Variants in ANGPTL1 observed in about 807,000 individuals in gnomAD.
The protein encoded by ANGPTL1 is angiopoietin-related protein 1.
ANGPTL1 carries 36 observed loss-of-function variants against 46.7 expected under a neutral mutation model. That is an observed-to-expected ratio of 0.77 (90% CI 0.59 to 1.02). The LOEUF (loss-of-function observed/expected upper bound fraction) is 1.02, where lower values mean the gene tolerates loss of function less well. Among genes scored for constraint, ANGPTL1 ranks in the 50% least tolerant of loss-of-function variants. ANGPTL1 has a pLI of 0.00. For synonymous variants in ANGPTL1, 221 were observed against 204.3 expected (o/e 1.08, Z -0.69); for missense variants, 571 against 594.7 (o/e 0.96, Z 0.41).
chr1:178,861,686 T>C (rs1184491581), intron 3 of ANGPTL1, among the ~76,000 whole-genome samples: 1 of 152,190 alleles, frequency 6.6e-6, no homozygotes, highest in Non-Finnish European at 1.5e-5. Context: ...TTCACACAGC[T>C]CAATTATGTT....
At position 178,865,479 on chromosome 1, in the gene ANGPTL1, C is replaced by T. The variant is rs1260671370; in HGVS notation, c.298G>A (p.Asp100Asn). 1 of 1,613,992 alleles carries T rather than the reference C, an allele frequency of 6.2e-7. No homozygotes were observed. Among genetic ancestry groups the T allele is most frequent in the Non-Finnish European group, 8.5e-7 (1 of 1,179,998 alleles). ...ACATCCACCACCAGTTGCAGAACAT[C>T]TATCTCCCGCTTCTGCCTGGAGAGC... ...DVLSRQKREI[D>N]VLQLVVDVDG... The change falls in exon 3 of 6, where the codon GAT (aspartate) becomes AAT (asparagine). Residue 100 changes from aspartate to asparagine, a missense_variant. Asp to Asn is a conservative substitution (Grantham distance 23). Transcript: ENST00000234816.
At chr1:178,867,290 A>G (rs1383938657) in intron 2 of ANGPTL1, among the ~76,000 whole-genome samples, 2 of 152,128 alleles carry the variant, frequency 1.3e-5, no homozygotes, top group Non-Finnish European at 2.9e-5. Context: ...CAGATGGAAA[A>G]CTTGGCATCC....
chr1:178,853,660 AC>A lies in ANGPTL1; in HGVS notation c.950del (p.Gly317ValfsTer52). On this transcript the variant is annotated frameshift_variant, in exon 4 of 6. Transcript: ENST00000234816. LOFTEE classifies it high-confidence loss of function. ...CTGTTCTTTTCTGAATAACAGTCCA[AC>A]CCCCAGGGTCCAAACTGTTTTCACA... is the stretch of plus-strand genomic sequence containing the variant. ...LWCENSLDPG[G>X]WTVIQKRTDG... 6.2e-7 allele frequency: 1 copy of A among 1,612,130 alleles called. No individual in the cohort carries two copies. Among genetic ancestry groups the A allele is most frequent in the Non-Finnish European group, 8.5e-7 (1 of 1,179,062 alleles).
At chr1:178,857,330 A>G (rs547818605) in intron 3 of ANGPTL1, among the ~76,000 whole-genome samples, 1 of 152,340 alleles carries the variant, frequency 6.6e-6, no homozygotes, top group African/African-American at 2.4e-5. Context: ...GGTTCCCAGA[A>G]TTCCCTTAGT....
intron 3 of ANGPTL1, among the ~76,000 whole-genome samples, chr1:178,855,052 C>G (rs1657435531): frequency 6.6e-6 from 1 of 151,998 alleles, no homozygotes. Flanking sequence ...TTATATTTTA[C>G]TAGAAATATG....
chr1:178,856,001 A>G (rs942738912), intron 3 of ANGPTL1, among the ~76,000 whole-genome samples: 7 of 148,932 alleles, frequency 4.7e-5, no homozygotes, highest in Admixed American at 1.3e-4. Context: ...AACAAAATAT[A>G]TATATTAGAA....
chr1:178,851,028 G>A lies in ANGPTL1; in HGVS notation c.*101C>T. 1 of 1,133,346 alleles carries A rather than the reference G, an allele frequency of 8.8e-7. No individual in the cohort carries two copies. The highest frequency in any genetic ancestry group is 1.2e-6 in the Non-Finnish European group (1 of 835,330). 70.2% of individuals were successfully genotyped at this position (1,133,346 alleles called of 1,614,324 possible). On this transcript the variant is annotated 3_prime_UTR_variant, in exon 6 of 6. Transcript: ENST00000234816. ...AAAATTCATTTTAAAAACTTTCTGT[G>A]TAGAAATAAATTGTGCCAAGTAATA...
At chr1:178,867,012 T>C (rs1193940703) in intron 2 of ANGPTL1, among the ~76,000 whole-genome samples, 2 of 152,112 alleles carry the variant, frequency 1.3e-5, no homozygotes, top group Non-Finnish European at 2.9e-5. Flanking sequence ...TTTTCACTCT[T>C]GCGAACTTCA....
At chr1:178,868,276 A>G (rs1658542708) in intron 2 of ANGPTL1, among the ~76,000 whole-genome samples, 1 of 151,960 alleles carries the variant, frequency 6.6e-6, no homozygotes, top group South Asian at 2.1e-4. Flanking sequence ...GAATTTAGAT[A>G]TGGGTTATTT....
chr1:178,850,826 T>TG lies in ANGPTL1; in HGVS notation c.*302_*303insC, dbSNP rs1657122957. 4.8e-6 allele frequency: 1 copy of TG among 209,404 alleles called. No individual in the cohort carries two copies. The highest frequency in any genetic ancestry group is 2.3e-5 in the African/African-American group (1 of 43,646). 13.0% of individuals were successfully genotyped at this position (209,404 alleles called of 1,614,324 possible). ...AGTATCTTGAACATGTTATTTATGA[T>TG]TTAAAATATAGCTAAGATTTGCTTT... On this transcript the variant is annotated 3_prime_UTR_variant, in exon 6 of 6. Coordinates refer to ENST00000234816, the MANE Select transcript of ANGPTL1 (RefSeq NM_004673.4).
chr1:178,858,357 T>C (rs1388710069), intron 3 of ANGPTL1, among the ~76,000 whole-genome samples: 7 of 152,140 alleles, frequency 4.6e-5, no homozygotes, highest in Admixed American at 3.9e-4. Context: ...ATAAAGAACA[T>C]TGCTTGAAAG....
At chr1:178,863,196 A>G (rs1245048782) in intron 3 of ANGPTL1, among the ~76,000 whole-genome samples, 1 of 152,178 alleles carries the variant, frequency 6.6e-6, no homozygotes, top group East Asian at 1.9e-4. Flanking sequence ...GGACATGCAC[A>G]CAAGAGACCA....
intron 3 of ANGPTL1, among the ~76,000 whole-genome samples, chr1:178,856,689 G>A (rs941928971): frequency 4.0e-5 from 6 of 151,584 alleles, no homozygotes; most frequent in African/African-American, 7.3e-5. Context: ...TAGTTATTTC[G>A]TTTCTCCTTT....
In ANGPTL1 at chr1:178,850,285, A is replaced by G. The variant is rs1657088147; in HGVS notation, c.*844T>C. 6.6e-6 allele frequency: 1 copy of G among 152,582 alleles called. No individual in the cohort carries two copies. Among genetic ancestry groups the G allele is most frequent in the South Asian group, 2.1e-4 (1 of 4,822 alleles). The allele number at this position is 152,582 out of a possible 1,614,324, so 9.5% of individuals were successfully genotyped here. A position where few individuals can be genotyped will look rare whatever the true frequency, so the allele number is the denominator to read the frequency against. ...TGTAGTAGTAAGATCAGTAAATTAG[A>G]AAAAAAGTAATAATAAATTAGAACT... On this transcript the variant is annotated 3_prime_UTR_variant, in exon 6 of 6. Coordinates refer to ENST00000234816, the MANE Select transcript of ANGPTL1 (RefSeq NM_004673.4).
At chr1:178,861,507 A>G (rs1572418208) in intron 3 of ANGPTL1, among the ~76,000 whole-genome samples, 1 of 151,508 alleles carries the variant, frequency 6.6e-6, no homozygotes, top group Non-Finnish European at 1.5e-5. Flanking sequence ...GGTATGTTTC[A>G]TTTTGTATAA....
intron 2 of ANGPTL1, among the ~76,000 whole-genome samples, chr1:178,868,577 A>G (rs1365898318): frequency 6.6e-6 from 1 of 152,022 alleles, no homozygotes; most frequent in Non-Finnish European, 1.5e-5. Flanking sequence ...TTTATAAAAC[A>G]GCTAAAAGCG....
At chr1:178,853,124 T>C in intron 4 of ANGPTL1, 171 bp from the exon 5 acceptor site, 1 of 985,410 alleles carries the variant, frequency 1.0e-6, no homozygotes, top group Non-Finnish European at 1.2e-6. Context: ...ATTGTCATTC[T>C]CTTTTTGTTT....
At position 178,865,488 on chromosome 1, in the gene ANGPTL1, G is replaced by A. The variant is rs200626359; in HGVS notation, c.289C>T (p.Arg97Trp). The A allele has an allele frequency of 5.0e-5, 80 of 1,613,922 alleles. 1 individual carries two copies. Among genetic ancestry groups the A allele is most frequent in the East Asian group, 2.0e-4 (9 of 44,876 alleles). ...NLKDVLSRQK[R>W]EIDVLQLVVD... The stretch of plus-strand genomic sequence containing the variant: ...ACCAGTTGCAGAACATCTATCTCCC[G>A]CTTCTGCCTGGAGAGCACATCCTTC... Residue 97 changes from arginine to tryptophan, a missense_variant, in exon 3 of 6, where the codon CGG becomes TGG. By Grantham distance (101) the Arg-to-Trp change is moderately radical (BLOSUM62 -3). Coordinates refer to ENST00000234816, the MANE Select transcript of ANGPTL1 (RefSeq NM_004673.4).
intron 3 of ANGPTL1, among the ~76,000 whole-genome samples, chr1:178,859,868 C>G (rs1274282829): frequency 1.4e-5 from 2 of 145,770 alleles, no homozygotes; most frequent in African/African-American, 5.1e-5. Context: ...AGGCGCCCGC[C>G]ACCACGCCTG....
Sources: gnomAD v4.1 joint callset for allele counts (sites outside exome capture counted in the v4.1 genomes callset) on GRCh38, gnomAD v4.1.1 for gene constraint, MANE v1.5 for transcripts, NCBI Gene and HGNC (gene_info 2026-07-23, HGNC 2026-07-21) for gene names.